Variants in CNTNAP5 observed in about 807,000 individuals in gnomAD.
CNTNAP5 encodes the protein contactin associated protein family member 5, also known as contactin-associated protein-like 5.
A neutral mutation model predicts 150.2 loss-of-function variants in CNTNAP5; 72 were observed. That is an observed-to-expected ratio of 0.48 (90% CI 0.40 to 0.58). CNTNAP5 has a LOEUF of 0.58. Among genes scored for constraint, CNTNAP5 ranks in the 20% least tolerant of loss-of-function variants. The pLI, the probability that CNTNAP5 is intolerant of heterozygous loss-of-function variation, is 0.00. For synonymous variants in CNTNAP5, 672 were observed against 619.8 expected (o/e 1.08, Z -1.25); for missense variants, 1,636 against 1,626.2 (o/e 1.01, Z -0.10).
intron 13 of CNTNAP5, 84 bp from the exon 14 acceptor site, chr2:124,747,145 A>G: frequency 7.5e-7 from 1 of 1,328,450 alleles, no homozygotes; most frequent in Non-Finnish European, 1.0e-6. Flanking sequence ...ATTCTCCAAG[A>G]TATTTTCAGC....
At chr2:124,323,511 C>T (rs1190585163) in intron 3 of CNTNAP5, among the ~76,000 whole-genome samples, 1 of 152,142 alleles carries the variant, frequency 6.6e-6, no homozygotes, top group Non-Finnish European at 1.5e-5. Flanking sequence ...GGCAGAGGTT[C>T]CATCTACAGG....
intron 17 of CNTNAP5, 142 bp downstream of exon 17, chr2:124,773,159 T>C: frequency 1.4e-6 from 1 of 701,932 alleles, no homozygotes; most frequent in Non-Finnish European, 2.4e-6. Context: ...AATTTCATTC[T>C]ATACATTCTT....
At chr2:124,122,530 T>G (rs940052579) in intron 1 of CNTNAP5, among the ~76,000 whole-genome samples, 1 of 152,166 alleles carries the variant, frequency 6.6e-6, no homozygotes, top group East Asian at 1.9e-4. Flanking sequence ...AACCCTTTTA[T>G]GAGGTTCACT....
intron 3 of CNTNAP5, among the ~76,000 whole-genome samples, chr2:124,358,483 T>C (rs1389733146): frequency 1.3e-5 from 2 of 152,242 alleles, no homozygotes; most frequent in Non-Finnish European, 2.9e-5. Flanking sequence ...GTCCCATCAA[T>C]ACCTAATTTA....
chr2:124,052,896 C>T (rs948933241), intron 1 of CNTNAP5, among the ~76,000 whole-genome samples: 5 of 152,144 alleles, frequency 3.3e-5, no homozygotes, highest in Non-Finnish European at 4.4e-5. Context: ...TTGCTAATGC[C>T]ATTTTCTCTG....
At chr2:124,699,115 T>TGA (rs1679466594) in intron 13 of CNTNAP5, among the ~76,000 whole-genome samples, 1 of 152,066 alleles carries the variant, frequency 6.6e-6, no homozygotes, top group Non-Finnish European at 1.5e-5. Context: ...TACTGTATAG[T>TGA]GAGAGAGAGG....
In CNTNAP5 at chr2:124,772,770, A is replaced by G. The variant is rs143857309; in HGVS notation, c.2534-29A>G. On this transcript the variant is annotated intron_variant, in intron 16 of 23. Coordinates refer to ENST00000682447, the MANE Select transcript of CNTNAP5 (RefSeq NM_001367498.1). ...CTTGAATGAGCTAACAACTCCCTCTATCCTTCCTGTTTTCCTTTCCGGTTT... is the reference window on the plus strand; with the variant it reads ...CTTGAATGAGCTAACAACTCCCTCTGTCCTTCCTGTTTTCCTTTCCGGTTT... The G allele has an allele frequency of 4.9e-4, 774 of 1,579,732 alleles. 4 individuals carry two copies. In the African/African-American group the frequency reaches 8.8e-3, roughly 18 times the overall value.
chr2:124,676,832 C>T (rs1216745181), intron 13 of CNTNAP5, among the ~76,000 whole-genome samples: 1 of 152,164 alleles, frequency 6.6e-6, no homozygotes, highest in Non-Finnish European at 1.5e-5. Flanking sequence ...GGTTAAAAGC[C>T]TCTATTATTT....
chr2:124,368,763 G>T (rs917702144), intron 3 of CNTNAP5, among the ~76,000 whole-genome samples: 3 of 152,056 alleles, frequency 2.0e-5, no homozygotes, highest in African/African-American at 7.2e-5. Flanking sequence ...GGCCTGGTTT[G>T]CATTCCTACT....
chr2:124,502,179 T>C (rs369880361), intron 7 of CNTNAP5, among the ~76,000 whole-genome samples: 25 of 152,330 alleles, frequency 1.6e-4, no homozygotes, highest in African/African-American at 5.8e-4. Context: ...GCCCTTGCTC[T>C]GGAGAACCAA....
chr2:124,180,851 C>T (rs1424937186), intron 1 of CNTNAP5, among the ~76,000 whole-genome samples: 2 of 149,014 alleles, frequency 1.3e-5, no homozygotes, highest in African/African-American at 5.0e-5. Context: ...CTCATTTCCT[C>T]TTATTGTTCA....
intron 21 of CNTNAP5, among the ~76,000 whole-genome samples, chr2:124,892,628 C>T (rs1471453501): frequency 6.6e-6 from 1 of 152,092 alleles, no homozygotes; most frequent in Non-Finnish European, 1.5e-5. Flanking sequence ...CTGGACTGGG[C>T]CAAGCCCTAC....
chr2:124,159,590 T>C (rs1284606025), intron 1 of CNTNAP5, among the ~76,000 whole-genome samples: 1 of 152,208 alleles, frequency 6.6e-6, no homozygotes, highest in Non-Finnish European at 1.5e-5. Context: ...TATTTAACCT[T>C]ACTAGGTCTT....
At chr2:124,326,972 C>CTTTTTTTTT (rs1192969997) in intron 3 of CNTNAP5, among the ~76,000 whole-genome samples, 1 of 68,514 alleles carries the variant, frequency 1.5e-5, no homozygotes, top group African/African-American at 5.9e-5. Flanking sequence ...TAGATCCTGA[C>CTTTTTTTTT]TTTTTTTTTT....
At chr2:124,087,932 A>G (rs1428462153) in intron 1 of CNTNAP5, among the ~76,000 whole-genome samples, 1 of 152,038 alleles carries the variant, frequency 6.6e-6, no homozygotes, top group Non-Finnish European at 1.5e-5. Flanking sequence ...CTATGGATTC[A>G]TTGGGGTCGA....
At chr2:124,499,318 A>C (rs73953002) in intron 7 of CNTNAP5, among the ~76,000 whole-genome samples, 6,094 of 152,292 alleles carry the variant, frequency 0.04, 143 homozygotes, top group Non-Finnish European at 0.042. Context: ...CAGTATAAGA[A>C]ACATAATAGA....
At chr2:124,097,799 CGG>C (rs1682971574) in intron 1 of CNTNAP5, among the ~76,000 whole-genome samples, 1 of 152,146 alleles carries the variant, frequency 6.6e-6, no homozygotes, top group Admixed American at 6.5e-5. Flanking sequence ...GCGGCCGAGG[CGG>C]GAGGATCACG....
chr2:124,601,585 A>C (rs1419370739), intron 11 of CNTNAP5, among the ~76,000 whole-genome samples: 1 of 152,250 alleles, frequency 6.6e-6, no homozygotes, highest in Non-Finnish European at 1.5e-5. Flanking sequence ...CGGAGCAAAG[A>C]AAGGATCAAA....
At chr2:124,294,282 G>T (rs1688368855) in intron 3 of CNTNAP5, among the ~76,000 whole-genome samples, 1 of 138,136 alleles carries the variant, frequency 7.2e-6, no homozygotes, top group South Asian at 2.5e-4. Flanking sequence ...ACAGATAAAT[G>T]CAATAGCAAT....
Sources: allele counts gnomAD v4.1 joint callset (sites outside exome capture counted in the v4.1 genomes callset), GRCh38; gene constraint gnomAD v4.1.1; transcripts MANE v1.5; gene names NCBI Gene and HGNC (gene_info 2026-07-23, HGNC 2026-07-21).